CDC27: variants seen among roughly 807,000 people sequenced by gnomAD.
The protein encoded by CDC27 is cell division cycle protein 27 homolog.
CDC27 carries 27 observed loss-of-function variants against 109.7 expected under a neutral mutation model. The ratio of observed to expected loss-of-function variants is 0.25; its 90% CI spans 0.18 to 0.34. The LOEUF (loss-of-function observed/expected upper bound fraction) is 0.34, where lower values mean the gene tolerates loss of function less well. CDC27 is among the 10% of genes least tolerant of loss of function. The pLI is 1.00. For missense variants in CDC27, 579 were observed against 960.2 expected (o/e 0.60, Z 5.25); for synonymous variants, 266 against 333.9 (o/e 0.80, Z 2.22).
chr17:47,137,323 C>A lies in CDC27; in HGVS notation c.1742G>T (p.Arg581Leu). The change falls in exon 14 of 19, where the codon CGG becomes CTG. Residue 581 changes from arginine to leucine, a missense_variant. By Grantham distance (102) the Arg-to-Leu change is moderately radical (BLOSUM62 -2). Coordinates refer to ENST00000066544, the MANE Select transcript of CDC27 (RefSeq NM_001256.6). ...GAATTTAATTGCAATATCATGTTCCCGTTGCAGACTGAAACAGTTCCCTGC... is the reference window on the plus strand; with the variant it reads ...GAATTTAATTGCAATATCATGTTCCAGTTGCAGACTGAAACAGTTCCCTGC... ...CAAGNCFSLQ[R>L]EHDIAIKFFQ... 2 of 1,606,754 alleles carry A rather than the reference C, an allele frequency of 1.2e-6. No homozygotes were observed. The highest frequency in any genetic ancestry group is 1.7e-6 in the Non-Finnish European group (2 of 1,177,268).
chr17:47,172,423 G>A (rs1396364064), intron 2 of CDC27, among the ~76,000 whole-genome samples: 3 of 151,848 alleles, frequency 2.0e-5, no homozygotes, highest in East Asian at 1.9e-4. Flanking sequence ...TAAATCTTTC[G>A]GGAGGATAGA....
intron 14 of CDC27, among the ~76,000 whole-genome samples, chr17:47,136,447 C>T (rs2062595218): frequency 6.6e-6 from 1 of 152,144 alleles, no homozygotes; most frequent in South Asian, 2.1e-4. Flanking sequence ...GACAAAAAAA[C>T]TACCACAGAG....
chr17:47,189,259 A>T lies in CDC27; in HGVS notation c.-87T>A. On this transcript the variant is annotated 5_prime_UTR_variant, in exon 1 of 19. Transcript: ENST00000066544. ...GGCCAGCCCCTGCTCATTTAAACTC[A>T]CCAGCGACCGTTACCGGGGGATGGG... The T allele has an allele frequency of 9.7e-7, 1 of 1,026,888 alleles. No homozygotes were observed. The allele number at this position is 1,026,888 out of a possible 1,614,324, so 63.6% of individuals were successfully genotyped here. A position where few individuals can be genotyped will look rare whatever the true frequency, so the allele number is the denominator to read the frequency against.
chr17:47,138,705 TA>T, intron 13 of CDC27, 33 bp downstream of exon 13: 1 of 1,514,060 alleles, frequency 6.6e-7, no homozygotes, highest in South Asian at 1.1e-5. Context: ...ATCAAAAAGG[TA>T]ACTATATAAG....
intron 2 of CDC27, among the ~76,000 whole-genome samples, chr17:47,174,951 C>T (rs1010853612): frequency 5.4e-5 from 8 of 148,478 alleles, no homozygotes; most frequent in African/African-American, 1.7e-4. Context: ...GAAACTCGGT[C>T]GAAACAGGAC....
Position 47,120,921 on chromosome 17 carries a change from C to G in CDC27, c.*14G>C. On this transcript the variant is annotated 3_prime_UTR_variant, in exon 19 of 19. Coordinates refer to ENST00000066544, the MANE Select transcript of CDC27 (RefSeq NM_001256.6). Reference sequence around the variant, plus strand: ...TAGTCACACATCCAGTTGTAAAAGTCTGATTTCCAGAAGTTAAAATTCATC... The same window carrying G: ...TAGTCACACATCCAGTTGTAAAAGTGTGATTTCCAGAAGTTAAAATTCATC... 2 of 1,596,696 alleles carry G rather than the reference C, an allele frequency of 1.3e-6. No homozygotes were observed. Among genetic ancestry groups the G allele is most frequent in the East Asian group, 4.5e-5 (2 of 44,786 alleles).
At chr17:47,139,737 C>T (rs1431712532) in intron 12 of CDC27, 1 of 151,990 alleles carries the variant, frequency 6.6e-6, no homozygotes, top group Non-Finnish European at 1.5e-5. Context: ...ATATACACAC[C>T]AATATTGTGT....
chr17:47,141,150 T>C (rs2062781265), intron 12 of CDC27, among the ~76,000 whole-genome samples: 1 of 152,176 alleles, frequency 6.6e-6, no homozygotes, highest in Non-Finnish European at 1.5e-5. Context: ...AGATATATAT[T>C]GAATAAATGA....
chr17:47,132,222 A>C (rs762733016), intron 15 of CDC27, 35 bp downstream of exon 15: 2 of 956,150 alleles, frequency 2.1e-6, no homozygotes, highest in African/African-American at 3.3e-5. Context: ...CAAAAGGGAG[A>C]TTAATAGAGT....
chr17:47,178,825 C>A (rs998437237), intron 2 of CDC27, among the ~76,000 whole-genome samples: 1 of 151,190 alleles, frequency 6.6e-6, no homozygotes, highest in Middle Eastern at 3.2e-3. Context: ...TTTTTTGAGA[C>A]GGAGTCTCGC....
At chr17:47,122,149 A>AT (rs753283403) in intron 18 of CDC27, among the ~76,000 whole-genome samples, 6 of 152,060 alleles carry the variant, frequency 3.9e-5, no homozygotes, top group Non-Finnish European at 7.4e-5. Context: ...AAAAAACTAC[A>AT]TTTTTATGAA....
chr17:47,180,945 TAAA>T (rs34061862), intron 2 of CDC27, among the ~76,000 whole-genome samples: 4 of 111,668 alleles, frequency 3.6e-5, no homozygotes, highest in Admixed American at 2.9e-4. Context: ...ACTCTTTTCT[TAAA>T]AAAAAAAAAA....
intron 8 of CDC27, among the ~76,000 whole-genome samples, chr17:47,153,321 T>C (rs1328761067): frequency 3.9e-5 from 6 of 152,220 alleles, no homozygotes; most frequent in Admixed American, 3.9e-4. Flanking sequence ...CTTAACTTGC[T>C]CTGGTTATTA....
chr17:47,138,592 C>G, intron 13 of CDC27, 147 bp downstream of exon 13: 2 of 555,938 alleles, frequency 3.6e-6, no homozygotes. Flanking sequence ...CTTTCTCTTC[C>G]TCTCTGAGTC....
chr17:47,174,366 A>T (rs2063916556), intron 2 of CDC27, among the ~76,000 whole-genome samples: 1 of 152,228 alleles, frequency 6.6e-6, no homozygotes, highest in African/African-American at 2.4e-5. Context: ...CCATGTTCAG[A>T]AAACTTCTTG....
intron 17 of CDC27, 98 bp from the exon 18 acceptor site, chr17:47,122,698 G>A (rs1400818614): frequency 1.0e-5 from 9 of 871,168 alleles, no homozygotes; most frequent in Non-Finnish European, 1.4e-5. Context: ...TTTTGAGATG[G>A]AGTCTCACTC....
At chr17:47,141,385 A>C (rs1483879878) in intron 12 of CDC27, among the ~76,000 whole-genome samples, 3 of 152,298 alleles carry the variant, frequency 2.0e-5, no homozygotes, top group African/African-American at 7.2e-5. Context: ...TTAAGCAACA[A>C]ATTTAATTAA....
chr17:47,138,620 G>GA (rs1444235134), intron 13 of CDC27, 119 bp downstream of exon 13: 62 of 654,880 alleles, frequency 9.5e-5, no homozygotes, highest in East Asian at 6.4e-4. Flanking sequence ...AGAGAGAGAG[G>GA]AAAAAAAAGA....
At chr17:47,123,395 T>A (rs1469394007) in intron 17 of CDC27, among the ~76,000 whole-genome samples, 3 of 141,474 alleles carry the variant, frequency 2.1e-5, no homozygotes, top group Non-Finnish European at 4.5e-5. Flanking sequence ...TTCTACTTTT[T>A]TTTCTACTTT....
Sources: gnomAD v4.1 joint callset for allele counts (sites outside exome capture counted in the v4.1 genomes callset) on GRCh38, gnomAD v4.1.1 for gene constraint, MANE v1.5 for transcripts, NCBI Gene and HGNC (gene_info 2026-07-23, HGNC 2026-07-21) for gene names.